DCAF1: variants seen among roughly 807,000 people sequenced by gnomAD.
The protein encoded by DCAF1 is DDB1- and CUL4-associated factor 1.
In DCAF1, 15 loss-of-function variants were observed where a neutral mutation model predicts 128.0. The observed-to-expected ratio is 0.12, with a 90% CI of 0.08 to 0.18. DCAF1 has a LOEUF of 0.18. Ranked by LOEUF, DCAF1 falls within the 10% of genes least tolerant of loss-of-function variation. The pLI is 1.00. For missense variants in DCAF1, 988 were observed against 1,649.5 expected (o/e 0.60, Z 6.95); for synonymous variants, 610 against 603.0 (o/e 1.01, Z -0.17).
chr3:51,432,291 A>T (rs1436392822), intron 10 of DCAF1, among the ~76,000 whole-genome samples: 1 of 132,218 alleles, frequency 7.6e-6, no homozygotes, highest in Non-Finnish European at 1.7e-5. Context: ...AAAAAAAAGT[A>T]TAAAAAGTAG....
At chr3:51,436,408 C>G (rs782187141) in intron 9 of DCAF1, 1 of 520,092 alleles carries the variant, frequency 1.9e-6, no homozygotes, top group Non-Finnish European at 3.8e-6. Context: ...CCAATGGGAT[C>G]CTTCTGAGGA....
intron 6 of DCAF1, among the ~76,000 whole-genome samples, chr3:51,457,133 C>T (rs1282506377): frequency 6.6e-6 from 1 of 151,974 alleles, no homozygotes; most frequent in East Asian, 1.9e-4. Context: ...GGAGGAAATT[C>T]GAACCAATGG....
intron 6 of DCAF1, among the ~76,000 whole-genome samples, chr3:51,453,832 A>T (rs757978210): frequency 1.1e-4 from 16 of 152,016 alleles, no homozygotes; most frequent in Non-Finnish European, 2.2e-4. Context: ...ACGCACCTGT[A>T]ATCCCAGCTA....
chr3:51,459,245 A>G (rs1703272535), intron 6 of DCAF1, among the ~76,000 whole-genome samples: 1 of 152,216 alleles, frequency 6.6e-6, no homozygotes, highest in South Asian at 2.1e-4. Flanking sequence ...ATCCCACGGA[A>G]ATACGAACTA....
At chr3:51,482,433 T>C (rs1706318709) in intron 3 of DCAF1, among the ~76,000 whole-genome samples, 1 of 150,224 alleles carries the variant, frequency 6.7e-6, no homozygotes, top group African/African-American at 2.5e-5. Context: ...AGTGAGACCC[T>C]GTCTCCAAAA....
chr3:51,489,406 G>A (rs1327526928), intron 2 of DCAF1, among the ~76,000 whole-genome samples: 1 of 152,154 alleles, frequency 6.6e-6, no homozygotes, highest in African/African-American at 2.4e-5. Context: ...CTGCAGTCCA[G>A]CCTGGGCAAC....
At chr3:51,460,060 A>G (rs1553644027) in intron 6 of DCAF1, among the ~76,000 whole-genome samples, 4 of 152,176 alleles carry the variant, frequency 2.6e-5, no homozygotes, top group African/African-American at 7.2e-5. Context: ...TGGCCAGGGC[A>G]ATCAGGCAGG....
chr3:51,499,314 G>T (rs1229712777), intron 1 of DCAF1, among the ~76,000 whole-genome samples: 1 of 152,192 alleles, frequency 6.6e-6, no homozygotes, highest in Non-Finnish European at 1.5e-5. Context: ...CTCTTTCATG[G>T]GGATGGGAGG....
chr3:51,435,057 A>G (rs1198917394), intron 9 of DCAF1, among the ~76,000 whole-genome samples: 2 of 152,206 alleles, frequency 1.3e-5, no homozygotes, highest in African/African-American at 4.8e-5. Flanking sequence ...AAGTTCTCTC[A>G]ATAACCAGGC....
chr3:51,402,821 G>A (rs185529767), intron 24 of DCAF1, among the ~76,000 whole-genome samples: 250 of 152,148 alleles, frequency 1.6e-3, no homozygotes, highest in Non-Finnish European at 2.7e-3. Context: ...TGATCCACCC[G>A]CCTCAGCCTC....
chr3:51,406,909 T>G (rs2090154078), intron 23 of DCAF1, among the ~76,000 whole-genome samples: 1 of 152,132 alleles, frequency 6.6e-6, no homozygotes, highest in Non-Finnish European at 1.5e-5. Context: ...TTACCTACAC[T>G]TTGGCTGGGC....
rs1177797752 is a variant in DCAF1, at chr3:51,456,756, A to C, written c.375+6358T>G. Among the ~76,000 whole-genome samples the C allele has an allele frequency of 2.0e-5, 3 of 152,172 alleles. No individual in the cohort carries two copies. In the East Asian group the frequency reaches 5.8e-4, roughly 29 times the overall value. ...CAGGCAGCAGCATCTGTGGTTCACCAATATCCGCTATTCTGCAGCCACCGC... is the reference window on the plus strand; with the variant it reads ...CAGGCAGCAGCATCTGTGGTTCACCCATATCCGCTATTCTGCAGCCACCGC... On this transcript the variant is annotated intron_variant, in intron 6 of 24. Transcript: ENST00000684031.
chr3:51,483,113 T>G (rs1706444394), intron 3 of DCAF1, among the ~76,000 whole-genome samples: 2 of 131,894 alleles, frequency 1.5e-5, no homozygotes, highest in Admixed American at 8.7e-5. Context: ...CACTCTAGCC[T>G]GGGCAACAAG....
chr3:51,401,530 C>T (rs1307421486), intron 24 of DCAF1, among the ~76,000 whole-genome samples: 4 of 152,170 alleles, frequency 2.6e-5, no homozygotes, highest in South Asian at 2.1e-4. Context: ...ATTTTCACAT[C>T]GTAAATATTC....
rs79048116 is a variant in DCAF1, at chr3:51,400,547, G to T, written c.4466-1720C>A. On this transcript the variant is annotated intron_variant, in intron 24 of 24. Coordinates refer to ENST00000684031, the MANE Select transcript of DCAF1 (RefSeq NM_001387579.1). ...CACAATCTTCTTTAAGCAAGTAACT[G>T]TCAGGCTCAAGGTCTGAGAGAAAAC... Among the ~76,000 whole-genome samples the T allele has an allele frequency of 5.9e-5, 9 of 152,308 alleles. No individual in the cohort carries two copies. The South Asian group carries it at 1.5e-3, about 25-fold the overall frequency.
chr3:51,494,316 G>A (rs1481402522), intron 2 of DCAF1, among the ~76,000 whole-genome samples: 6 of 151,786 alleles, frequency 4.0e-5, no homozygotes, highest in Non-Finnish European at 7.4e-5. Context: ...GGGTTTCACC[G>A]TGTTACCCAG....
intron 2 of DCAF1, among the ~76,000 whole-genome samples, chr3:51,493,613 T>A (rs908129661): frequency 2.0e-5 from 3 of 152,068 alleles, no homozygotes. Flanking sequence ...TAGAAATGAA[T>A]GAAGTAGTAA....
intron 15 of DCAF1, 79 bp from the exon 16 acceptor site, chr3:51,418,955 A>C: frequency 6.8e-7 from 1 of 1,463,294 alleles, no homozygotes; most frequent in Admixed American, 2.7e-5. Context: ...ATAGAAGAAA[A>C]AGCACAGAAC....
chr3:51,477,113 G>C (rs1705560755), intron 3 of DCAF1, among the ~76,000 whole-genome samples: 1 of 151,954 alleles, frequency 6.6e-6, no homozygotes, highest in Non-Finnish European at 1.5e-5. Flanking sequence ...CACTCGCACA[G>C]CTTGGACCAA....
Sources: allele counts gnomAD v4.1 joint callset (sites outside exome capture counted in the v4.1 genomes callset), GRCh38; gene constraint gnomAD v4.1.1; transcripts MANE v1.5; gene names NCBI Gene and HGNC (gene_info 2026-07-23, HGNC 2026-07-21).